BCL2L13: variants seen among roughly 807,000 people sequenced by gnomAD.
BCL2L13 encodes bcl-2-like protein 13.
Under a neutral mutation model 25.8 loss-of-function variants are expected in BCL2L13, and 13 were observed. That is an observed-to-expected ratio of 0.50 (90% CI 0.33 to 0.80). BCL2L13 has a LOEUF of 0.80. BCL2L13 is among the 30% of genes least tolerant of loss of function. The pLI is 0.02. For synonymous variants in BCL2L13, 244 were observed against 230.3 expected (o/e 1.06, Z -0.54); for missense variants, 504 against 574.9 (o/e 0.88, Z 1.26).
chr22:17,703,188 CAT>C (rs2060491528), intron 6 of BCL2L13: 1 of 151,942 alleles, frequency 6.6e-6, no homozygotes, highest in African/African-American at 2.4e-5. Flanking sequence ...CACACACACA[CAT>C]ATGTATATGT....
chr22:17,704,340 C>G (rs1359201042), intron 6 of BCL2L13, among the ~76,000 whole-genome samples: 1 of 152,078 alleles, frequency 6.6e-6, no homozygotes, highest in African/African-American at 2.4e-5. Context: ...CCACTTAGGC[C>G]TCCCAAAGTG....
At chr22:17,683,132 CAAAAAA>C in intron 2 of BCL2L13, 76 bp from the exon 3 acceptor site, 2 of 602,944 alleles carry the variant, frequency 3.3e-6, no homozygotes, top group Admixed American at 4.0e-5. Flanking sequence ...GACTCCGTCT[CAAAAAA>C]AAAAAAAAAA....
At chr22:17,687,684 T>G (rs1299863081) in intron 3 of BCL2L13, among the ~76,000 whole-genome samples, 2 of 151,860 alleles carry the variant, frequency 1.3e-5, no homozygotes, top group Admixed American at 1.3e-4. Flanking sequence ...GCCCAGCTAA[T>G]TTTTTTGTAT....
In BCL2L13 at chr22:17,638,789, G is replaced by A. The variant is rs1158455500; in HGVS notation, c.-148G>A. 8.1e-7 allele frequency: 1 copy of A among 1,231,676 alleles called. No homozygotes were observed. Among genetic ancestry groups the A allele is most frequent in the African/African-American group, 1.6e-5 (1 of 64,430 alleles). 76.3% of individuals were successfully genotyped at this position (1,231,676 alleles called of 1,614,324 possible). On this transcript the variant is annotated 5_prime_UTR_variant, in exon 1 of 7. Coordinates refer to ENST00000317582, the MANE Select transcript of BCL2L13 (RefSeq NM_015367.4). ...AACATGGCGGCGGCGGTAGATTAGG[G>A]CCGCGGGTCGGAGCACTCACCGCCG... is the stretch of plus-strand genomic sequence containing the variant.
intron 6 of BCL2L13, among the ~76,000 whole-genome samples, chr22:17,713,752 G>T (rs527393405): frequency 1.3e-5 from 2 of 151,320 alleles, no homozygotes; most frequent in South Asian, 2.1e-4. Flanking sequence ...GAGCCACTGC[G>T]CCCAGCCAAA....
At chr22:17,648,101 G>A (rs1029396888) in intron 1 of BCL2L13, among the ~76,000 whole-genome samples, 1 of 151,694 alleles carries the variant, frequency 6.6e-6, no homozygotes. Context: ...CTGCACTCCT[G>A]GCGACAGAGA....
intron 3 of BCL2L13, among the ~76,000 whole-genome samples, chr22:17,687,461 C>T (rs888190989): frequency 1.3e-5 from 2 of 152,080 alleles, no homozygotes; most frequent in Non-Finnish European, 2.9e-5. Flanking sequence ...CCTACTTCAG[C>T]CCCCCAGTAG....
At chr22:17,636,561 G>A (rs958218454), upstream of BCL2L13, among the ~76,000 whole-genome samples, 5 of 151,422 alleles carry the variant, frequency 3.3e-5, no homozygotes, top group East Asian at 9.9e-4. Flanking sequence ...AGGCCGAGAG[G>A]GGTGATCACC....
At position 17,727,210 on chromosome 22, in the gene BCL2L13, A is replaced by T; in HGVS notation, c.1134A>T (p.Val378=). The part of the protein sequence containing the change: ...EKSSPATSLF[V]ELDEEEVKAA... ...CCAGCCCTGCTACATCTCTGTTTGT[A>T]GAACTTGATGAAGAAGAGGTGAAAG... is the stretch of plus-strand genomic sequence containing the variant. The change falls in exon 7 of 7, where the codon GTA becomes GTT. Residue 378 remains valine (V), a synonymous_variant. Coordinates refer to ENST00000317582, the MANE Select transcript of BCL2L13 (RefSeq NM_015367.4). The T allele has an allele frequency of 6.2e-7, 1 of 1,614,254 alleles. No individual in the cohort carries two copies. The highest frequency in any genetic ancestry group is 1.1e-5 in the South Asian group (1 of 91,092).
intron 4 of BCL2L13, among the ~76,000 whole-genome samples, chr22:17,689,421 C>G (rs187153077): frequency 1.2e-4 from 19 of 152,310 alleles, no homozygotes; most frequent in Admixed American, 5.9e-4. Flanking sequence ...GTAGTAAATA[C>G]AAGCTATTTC....
chr22:17,705,048 T>G (rs986388382), intron 6 of BCL2L13, among the ~76,000 whole-genome samples: 13 of 151,932 alleles, frequency 8.6e-5, no homozygotes, highest in Admixed American at 2.0e-4. Context: ...GGGCACATTT[T>G]GCTGTAAATC....
chr22:17,696,238 A>T, intron 5 of BCL2L13, 28 bp downstream of exon 5: 2 of 1,589,024 alleles, frequency 1.3e-6, no homozygotes, highest in Non-Finnish European at 1.7e-6. Flanking sequence ...TTTTCTCTTA[A>T]AAGATTTTAG....
chr22:17,665,501 C>G (rs980684532), intron 2 of BCL2L13, among the ~76,000 whole-genome samples: 1 of 152,104 alleles, frequency 6.6e-6, no homozygotes, highest in African/African-American at 2.4e-5. Flanking sequence ...AAGCAGTGCC[C>G]CACTCCCAGT....
At chr22:17,676,946 A>T (rs930564584) in intron 2 of BCL2L13, among the ~76,000 whole-genome samples, 1 of 152,220 alleles carries the variant, frequency 6.6e-6, no homozygotes, top group South Asian at 2.1e-4. Context: ...TCAAGTTTTT[A>T]TGAATGTAGT....
At chr22:17,693,373 T>G (rs910336359) in intron 4 of BCL2L13, among the ~76,000 whole-genome samples, 1 of 20,528 alleles carries the variant, frequency 4.9e-5, no homozygotes, top group Non-Finnish European at 9.3e-5. Flanking sequence ...TTAGTGTTTG[T>G]TTTTTTTTTT....
At chr22:17,680,412 G>C (rs572702264) in intron 2 of BCL2L13, among the ~76,000 whole-genome samples, 1 of 148,306 alleles carries the variant, frequency 6.7e-6, no homozygotes, top group South Asian at 2.2e-4. Context: ...GGGAGGTTGA[G>C]GCAGGAGAAT....
chr22:17,645,033 TCTC>T (rs1403622246), intron 1 of BCL2L13, among the ~76,000 whole-genome samples: 1 of 149,280 alleles, frequency 6.7e-6, no homozygotes, highest in Non-Finnish European at 1.5e-5. Context: ...ATGGTCTCGA[TCTC>T]CTAACCTCGT....
chr22:17,667,127 A>G (rs2059256182), intron 2 of BCL2L13, among the ~76,000 whole-genome samples: 2 of 152,054 alleles, frequency 1.3e-5, no homozygotes, highest in South Asian at 4.1e-4. Context: ...TGATATACTG[A>G]TTCCTTTTTT....
At chr22:17,720,931 C>T (rs2145817805) in intron 6 of BCL2L13, among the ~76,000 whole-genome samples, 1 of 151,992 alleles carries the variant, frequency 6.6e-6, no homozygotes, top group East Asian at 1.9e-4. Context: ...CTTTAGGAGG[C>T]CGAGGCGGGT....
Sources: gnomAD v4.1 joint callset for allele counts (sites outside exome capture counted in the v4.1 genomes callset) on GRCh38, gnomAD v4.1.1 for gene constraint, MANE v1.5 for transcripts, NCBI Gene and HGNC (gene_info 2026-07-23, HGNC 2026-07-21) for gene names.